The following SCEL variants were observed in gnomAD, a reference collection of about 807,000 sequenced individuals.
The protein encoded by SCEL is sciellin.
A neutral mutation model predicts 117.6 loss-of-function variants in SCEL; 113 were observed. The observed-to-expected ratio is 0.96, with a 90% confidence interval of 0.83 to 1.12. The LOEUF (loss-of-function observed/expected upper bound fraction) is 1.12, where lower values mean the gene tolerates loss of function less well. Ranked by LOEUF, SCEL falls within the 50% of genes most tolerant of loss-of-function variation. The pLI is 0.00. For missense variants in SCEL, 785 were observed against 810.8 expected (o/e 0.97, Z 0.39); for synonymous variants, 270 against 256.2 (o/e 1.05, Z -0.51).
At chr13:77,579,508 CCTGTCT>C (rs1456537551) in intron 9 of SCEL, among the ~76,000 whole-genome samples, 1 of 152,062 alleles carries the variant, frequency 6.6e-6, no homozygotes, top group Non-Finnish European at 1.5e-5. Flanking sequence ...TGTGTTTCTC[CCTGTCT>C]CTGTCTCTTT....
chr13:77,581,048 T>A (rs2086236298), intron 9 of SCEL, among the ~76,000 whole-genome samples: 1 of 152,222 alleles, frequency 6.6e-6, no homozygotes, highest in African/African-American at 2.4e-5. Flanking sequence ...GCAACATTTT[T>A]AACTCTATTG....
chr13:77,589,017 A>C, intron 9 of SCEL, 127 bp from the exon 10 acceptor site: 4 of 672,470 alleles, frequency 5.9e-6, no homozygotes, highest in Non-Finnish European at 1.0e-5. Context: ...CCTTTCAGGT[A>C]CCTCACACAT....
At chr13:77,568,824 C>G (rs886229191) in intron 7 of SCEL, among the ~76,000 whole-genome samples, 1 of 152,156 alleles carries the variant, frequency 6.6e-6, no homozygotes. Flanking sequence ...CCAAATCAGA[C>G]AGATTTATAA....
At chr13:77,536,653 A>G (rs567344372) in intron 1 of SCEL, among the ~76,000 whole-genome samples, 1 of 152,216 alleles carries the variant, frequency 6.6e-6, no homozygotes, top group African/African-American at 2.4e-5. Context: ...AGCTAAGCTG[A>G]CTTGTGTTTT....
chr13:77,608,882 G>A (rs1191637222), intron 20 of SCEL, among the ~76,000 whole-genome samples, 176 bp from the exon 21 acceptor site: 1 of 152,124 alleles, frequency 6.6e-6, no homozygotes, highest in Non-Finnish European at 1.5e-5. Flanking sequence ...GTGTACCAGT[G>A]ATTGGTAAGA....
chr13:77,644,210 G>C, intron 32 of SCEL, 48 bp from the exon 33 acceptor site: 1 of 1,606,944 alleles, frequency 6.2e-7, no homozygotes, highest in Non-Finnish European at 8.5e-7. Context: ...TTAATGATGA[G>C]CTTGTTTCTG....
chr13:77,551,672 G>GT (rs2084333026), intron 1 of SCEL, among the ~76,000 whole-genome samples: 3 of 151,832 alleles, frequency 2.0e-5, no homozygotes, highest in Non-Finnish European at 2.9e-5. Context: ...TAAGGGCCTC[G>GT]TTTTTTTGTT....
At position 77,628,773 on chromosome 13, in the gene SCEL, G is replaced by A. The variant is rs146340812; in HGVS notation, c.1691+764G>A. 2.8e-3 allele frequency among the ~76,000 whole-genome samples: 433 copies of A among 152,210 alleles called. 2 individuals carry two copies. The highest frequency in any genetic ancestry group is 9.8e-3 in the African/African-American group (405 of 41,538). ...GAATGGAAAAGCTAGGAAAAGAGCT[G>A]GCTCATTTTTCTTTTTCATACTGTC... On this transcript the variant is annotated intron_variant, in intron 28 of 32. Coordinates refer to ENST00000349847, the MANE Select transcript of SCEL (RefSeq NM_144777.3).
At chr13:77,602,472 T>G in intron 16 of SCEL, 182 bp from the exon 17 acceptor site, 1 of 584,202 alleles carries the variant, frequency 1.7e-6, no homozygotes, top group Non-Finnish European at 3.1e-6. Context: ...TTAGACACAT[T>G]TAAATGAAAT....
At position 77,582,379 on chromosome 13, in the gene SCEL, A is replaced by G. The variant is rs2086311103; in HGVS notation, c.546-6765A>G. On this transcript the variant is annotated intron_variant, in intron 9 of 32. Coordinates refer to ENST00000349847, the MANE Select transcript of SCEL (RefSeq NM_144777.3). ...GTAGCTGGGACTACAGGTGCGTGCC[A>G]CCACGCCTGGCTGAATTTTTGTATT... Among the ~76,000 whole-genome samples, 3 of 152,068 alleles carry G rather than the reference A, an allele frequency of 2.0e-5. No individual in the cohort carries two copies. The South Asian group carries it at 6.2e-4, about 32-fold the overall frequency.
intron 1 of SCEL, among the ~76,000 whole-genome samples, chr13:77,551,769 G>T (rs981810029): frequency 1.4e-4 from 22 of 151,806 alleles, no homozygotes; most frequent in Admixed American, 1.4e-3. Flanking sequence ...ATGTATACAT[G>T]TGCCATGCTG....
At chr13:77,616,006 G>C (rs1196051557) in intron 24 of SCEL, among the ~76,000 whole-genome samples, 22 of 85,288 alleles carry the variant, frequency 2.6e-4, no homozygotes, top group East Asian at 2.7e-3. Flanking sequence ...ATGTCTCTCT[G>C]TGTGTGTGTG....
At chr13:77,567,548 G>GT (rs2154397166) in intron 5 of SCEL, 132 bp from the exon 6 acceptor site, 1 of 639,916 alleles carries the variant, frequency 1.6e-6, no homozygotes, top group African/African-American at 1.9e-5. Context: ...TTTCTAAAAT[G>GT]TAACACTTGA....
chr13:77,599,336 G>C lies in SCEL; in HGVS notation c.805G>C (p.Gly269Arg). ...AAATCAATACATTTAAAGGAATCAAGGTCTTGATAGTCTCTTCAGAGCAAA... is the reference window on the plus strand; with the variant it reads ...AAATCAATACATTTAAAGGAATCAACGTCTTGATAGTCTCTTCAGAGCAAA... ...KMNKSLNRNQ[G>R]LDSLFRANPK... The change falls in exon 14 of 33, where the codon GGT becomes CGT. Residue 269 changes from glycine to arginine, a missense_variant. By Grantham distance (125) the Gly-to-Arg change is moderately radical (BLOSUM62 -2). Transcript: ENST00000349847. The C allele has an allele frequency of 6.2e-7, 1 of 1,611,066 alleles. No individual in the cohort carries two copies. The highest frequency in any genetic ancestry group is 8.5e-7 in the Non-Finnish European group (1 of 1,177,830).
chr13:77,563,937 C>T (rs2085136792), intron 5 of SCEL, 38 bp downstream of exon 5: 2 of 1,280,762 alleles, frequency 1.6e-6, no homozygotes, highest in South Asian at 3.0e-5. Context: ...GAATGCATAA[C>T]ATATTAAATA....
intron 1 of SCEL, among the ~76,000 whole-genome samples, chr13:77,543,551 C>T (rs913159403): frequency 6.6e-6 from 1 of 152,144 alleles, no homozygotes; most frequent in African/African-American, 2.4e-5. Context: ...CTATGTAAAT[C>T]TCATGATACT....
intron 9 of SCEL, among the ~76,000 whole-genome samples, chr13:77,573,871 G>T (rs180745911): frequency 1.0e-3 from 158 of 152,266 alleles, no homozygotes; most frequent in African/African-American, 3.7e-3. Context: ...AATTACATTT[G>T]GAGTTTAAAA....
chr13:77,641,342 A>G (rs969821955), intron 31 of SCEL, among the ~76,000 whole-genome samples: 24 of 152,160 alleles, frequency 1.6e-4, no homozygotes, highest in African/African-American at 5.6e-4. Context: ...TTCTAACCAT[A>G]ACATTGGGTG....
intron 13 of SCEL, among the ~76,000 whole-genome samples, chr13:77,599,050 A>G (rs2087453117): frequency 1.3e-5 from 2 of 152,230 alleles, no homozygotes; most frequent in Non-Finnish European, 2.9e-5. Context: ...CCCACGCTTG[A>G]AAGCTAAAAG....
Sources: gnomAD v4.1 joint callset for allele counts (sites outside exome capture counted in the v4.1 genomes callset) on GRCh38, gnomAD v4.1.1 for gene constraint, MANE v1.5 for transcripts, NCBI Gene and HGNC (gene_info 2026-07-23, HGNC 2026-07-21) for gene names.